Variants in ZNF407 observed in about 807,000 individuals in gnomAD.
ZNF407 encodes the protein zinc finger protein 407.
ZNF407 carries 17 observed loss-of-function variants against 131.2 expected under a neutral mutation model. That is an observed-to-expected ratio of 0.13 (90% CI 0.09 to 0.19). The LOEUF (loss-of-function observed/expected upper bound fraction) is 0.19. Ranked by LOEUF, ZNF407 falls within the 10% of genes least tolerant of loss-of-function variation. The probability of loss-of-function intolerance (pLI) is 1.00; values close to 1 mark genes in which losing one functional copy is unlikely to be tolerated. For missense variants in ZNF407, 2,681 were observed against 2,830.6 expected (o/e 0.95, Z 1.20); for synonymous variants, 1,156 against 1,062.0 (o/e 1.09, Z -1.72).
chr18:74,929,468 A>G (rs1240966774), intron 8 of ZNF407, among the ~76,000 whole-genome samples: 3 of 152,214 alleles, frequency 2.0e-5, no homozygotes, highest in African/African-American at 7.2e-5. Context: ...TTTAAGGGAA[A>G]AAATTGATTG....
At position 74,675,721 on chromosome 18, in the gene ZNF407, A is replaced by G. The variant is rs140548250; in HGVS notation, c.4802+34599A>G. Among the ~76,000 whole-genome samples the G allele has an allele frequency of 7.0e-4, 107 of 152,224 alleles. 1 individual carries two copies. Among genetic ancestry groups the G allele is most frequent in the Non-Finnish European group, 1.2e-3 (82 of 68,014 alleles). On this transcript the variant is annotated intron_variant, in intron 3 of 8. Transcript: ENST00000299687. Reference sequence around the variant, plus strand: ...TTTGGTTTTAATGGTTACCCTAGCAATTACACCATTATCCTTGACTTATCC... The same window carrying G: ...TTTGGTTTTAATGGTTACCCTAGCAGTTACACCATTATCCTTGACTTATCC...
At chr18:74,733,195 T>G (rs1282399046) in intron 3 of ZNF407, among the ~76,000 whole-genome samples, 1 of 152,130 alleles carries the variant, frequency 6.6e-6, no homozygotes, top group Non-Finnish European at 1.5e-5. Context: ...AAAAGGTGCT[T>G]TATGCACTTC....
At chr18:74,640,644 GT>G (rs1274508061) in intron 2 of ZNF407, among the ~76,000 whole-genome samples, 1 of 152,128 alleles carries the variant, frequency 6.6e-6, no homozygotes, top group East Asian at 1.9e-4. Context: ...GTGCATTTAT[GT>G]TTTAAAAATG....
chr18:74,668,675 A>G (rs1986024546), intron 3 of ZNF407, among the ~76,000 whole-genome samples: 1 of 152,194 alleles, frequency 6.6e-6, no homozygotes, highest in African/African-American at 2.4e-5. Context: ...CTTAGAATGG[A>G]TGAGATTTAC....
chr18:74,877,446 C>A, intron 5 of ZNF407, 83 bp downstream of exon 5: 2 of 1,258,850 alleles, frequency 1.6e-6, no homozygotes, highest in South Asian at 1.3e-5. Context: ...TTAATTATCC[C>A]ATCTTCATAG....
intron 1 of ZNF407, among the ~76,000 whole-genome samples, chr18:74,630,543 G>C (rs1164883304): frequency 6.6e-6 from 1 of 152,114 alleles, no homozygotes. Flanking sequence ...GGAGGGGAAG[G>C]CCTCACTTCT....
At position 75,048,588 on chromosome 18, in the gene ZNF407, G is replaced by A. The variant is rs1020656008; in HGVS notation, c.5429-14562G>A. The stretch of plus-strand genomic sequence containing the variant: ...GCATGTTGCCAGTAATAACTGACAG[G>A]ACTCTAACTCTCAGCTCGATGTGAA... On this transcript the variant is annotated intron_variant, in intron 8 of 8. Transcript: ENST00000299687. The surrounding 1 kb of genome is among the most constrained non-coding windows in gnomAD (Gnocchi z 4.1). 1.4e-4 allele frequency among the ~76,000 whole-genome samples: 22 copies of A among 152,146 alleles called. No homozygotes were observed. Among genetic ancestry groups the A allele is most frequent in the Admixed American group, 1.4e-3 (21 of 15,288 alleles).
At chr18:74,839,140 A>T (rs1419547390) in intron 4 of ZNF407, among the ~76,000 whole-genome samples, 1 of 152,192 alleles carries the variant, frequency 6.6e-6, no homozygotes, top group African/African-American at 2.4e-5. Flanking sequence ...TGTAGTTGAG[A>T]GTTGTAGTTT....
At chr18:75,002,816 A>G (rs1026913346) in intron 8 of ZNF407, among the ~76,000 whole-genome samples, 2 of 152,084 alleles carry the variant, frequency 1.3e-5, no homozygotes, top group African/African-American at 4.8e-5. Flanking sequence ...AAAAAAAAAA[A>G]AAAAAGAGGT....
chr18:74,918,724 G>T (rs1008114350), intron 7 of ZNF407, among the ~76,000 whole-genome samples: 1 of 151,834 alleles, frequency 6.6e-6, no homozygotes, highest in African/African-American at 2.4e-5. Flanking sequence ...TTTTTAAAAA[G>T]GTGTTATTGT....
intron 4 of ZNF407, among the ~76,000 whole-genome samples, chr18:74,876,375 T>C (rs1971156322): frequency 6.6e-6 from 1 of 152,194 alleles, no homozygotes; most frequent in African/African-American, 2.4e-5. Context: ...TAAACTCATA[T>C]TGGAAATGTA....
intron 8 of ZNF407, among the ~76,000 whole-genome samples, chr18:74,952,814 T>G (rs1415013101): frequency 6.6e-6 from 1 of 152,034 alleles, no homozygotes; most frequent in Non-Finnish European, 1.5e-5. Context: ...CCAGAAGTTG[T>G]GAGGAAATGG....
At chr18:75,011,089 A>C (rs941029647) in intron 8 of ZNF407, among the ~76,000 whole-genome samples, 5 of 152,170 alleles carry the variant, frequency 3.3e-5, no homozygotes, top group African/African-American at 1.2e-4. Context: ...GCTGAGTCTT[A>C]TTTATAAAAT....
rs1261506678 is a variant in ZNF407, at chr18:74,632,886, T to C, written c.1867T>C (p.Phe623Leu). Residue 623 changes from phenylalanine to leucine, a missense_variant, in exon 2 of 9, where the codon TTC (phenylalanine) becomes CTC (leucine). Coordinates refer to ENST00000299687, the MANE Select transcript of ZNF407 (RefSeq NM_017757.3). ...MHFLCTPCNLFFLSEKDVEEH... is the reference protein window; with the variant it reads ...MHFLCTPCNLLFLSEKDVEEH... ...TTTTCTTTGCACCCCTTGTAATCTG[T>C]TCTTTTTGTCTGAAAAAGATGTGGA... The C allele has an allele frequency of 3.1e-6, 5 of 1,613,424 alleles. No individual in the cohort carries two copies. Among genetic ancestry groups the C allele is most frequent in the Non-Finnish European group, 4.2e-6 (5 of 1,179,886 alleles).
At chr18:74,789,434 AC>A (rs1205388057) in intron 4 of ZNF407, among the ~76,000 whole-genome samples, 1 of 152,086 alleles carries the variant, frequency 6.6e-6, no homozygotes, top group African/African-American at 2.4e-5. Flanking sequence ...GGAAATGGTC[AC>A]CAGTGAGCGT....
intron 3 of ZNF407, among the ~76,000 whole-genome samples, chr18:74,683,210 C>T (rs1568165037): frequency 6.6e-6 from 1 of 152,156 alleles, no homozygotes; most frequent in Non-Finnish European, 1.5e-5. Context: ...GAAAAATGTG[C>T]AGCATTGCAA....
chr18:74,925,803 T>C (rs1971905690), intron 8 of ZNF407, among the ~76,000 whole-genome samples: 3 of 152,242 alleles, frequency 2.0e-5, no homozygotes, highest in Non-Finnish European at 4.4e-5. Context: ...CTGACATGAT[T>C]GCCTTTGGTA....
intron 7 of ZNF407, among the ~76,000 whole-genome samples, chr18:74,913,557 T>C (rs929342046): frequency 7.2e-5 from 11 of 152,134 alleles, no homozygotes; most frequent in Admixed American, 4.6e-4. Context: ...GACATATCTG[T>C]AGCTTGAAAA....
At chr18:74,745,869 G>T (rs1008167786) in intron 3 of ZNF407, among the ~76,000 whole-genome samples, 1 of 152,070 alleles carries the variant, frequency 6.6e-6, no homozygotes, top group African/African-American at 2.4e-5. Flanking sequence ...GTATTCATTT[G>T]CTCACTCTGT....
Sources: allele counts gnomAD v4.1 joint callset (sites outside exome capture counted in the v4.1 genomes callset), GRCh38; gene constraint gnomAD v4.1.1; non-coding constraint Gnocchi (gnomAD v3.1); transcripts MANE v1.5; gene names NCBI Gene and HGNC (gene_info 2026-07-23, HGNC 2026-07-21).